The following MRO variants were observed in gnomAD, a reference collection of about 807,000 sequenced individuals.
MRO encodes protein maestro.
MRO carries 28 observed loss-of-function variants against 31.0 expected under a neutral mutation model. The ratio of observed to expected loss-of-function variants is 0.90; its 90% CI spans 0.67 to 1.24. MRO has a LOEUF of 1.24. MRO is among the 50% of genes most tolerant of loss of function. The pLI, the probability that MRO is intolerant of heterozygous loss-of-function variation, is 0.00. For missense variants in MRO, 332 were observed against 289.2 expected, an observed-to-expected ratio of 1.15 and a Z score of -1.07; for synonymous variants, 108 against 108.4, an observed-to-expected ratio of 1.00 and a Z score of 0.02.
chr18:50,819,607 G>A lies in MRO; in HGVS notation c.-31C>T, dbSNP rs562400801. The A allele has an allele frequency of 4.5e-6, 7 of 1,551,622 alleles. No homozygotes were observed. The highest frequency in any genetic ancestry group is 6.1e-6 in the Non-Finnish European group (7 of 1,146,970). ...TGCGGCTCCTGCAGGCGGCTGCCAC[G>A]TGATGAACCGGAGCCCGTTCCTGAC... On this transcript the variant is annotated 5_prime_UTR_variant, in exon 2 of 8. It adds an upstream start codon to the 5' untranslated region. Coordinates refer to ENST00000398439, the MANE Select transcript of MRO (RefSeq NM_031939.6).
chr18:50,798,583 A>ATACT lies in MRO; in HGVS notation c.*750_*753dup, dbSNP rs951856164. On this transcript the variant is annotated 3_prime_UTR_variant, in exon 8 of 8. Coordinates refer to ENST00000398439, the MANE Select transcript of MRO (RefSeq NM_031939.6). ...CATCTATAAAATGAGAACAATAATA[A>ATACT]TACTTACTATCTCAGGGTTGTCGCA... The ATACT allele has an allele frequency of 2.0e-5, 3 of 152,212 alleles. No homozygotes were observed. The highest frequency in any genetic ancestry group is 2.0e-4 in the Admixed American group (3 of 15,290). 9.4% of individuals were successfully genotyped at this position (152,212 alleles called of 1,614,324 possible). A position where few individuals can be genotyped will look rare whatever the true frequency, so the allele number is the denominator to read the frequency against.
Position 50,799,075 on chromosome 18 carries a change from T to A in MRO, c.*262A>T. The A allele has an allele frequency of 2.5e-6, 1 of 393,916 alleles. No individual in the cohort carries two copies. The highest frequency in any genetic ancestry group is 4.1e-5 in the Admixed American group (1 of 24,242). 24.4% of individuals were successfully genotyped at this position (393,916 alleles called of 1,614,324 possible). A position where few individuals can be genotyped will look rare whatever the true frequency, so the allele number is the denominator to read the frequency against. ...GCACTGAATCTATATACACTTGGAA[T>A]GTTTTAAAGAAAGTGTGTACCTGCT... On this transcript the variant is annotated 3_prime_UTR_variant, in exon 8 of 8. Coordinates refer to ENST00000398439, the MANE Select transcript of MRO (RefSeq NM_031939.6).
At chr18:50,809,857 T>C (rs923546034) in intron 2 of MRO, among the ~76,000 whole-genome samples, 2 of 152,188 alleles carry the variant, frequency 1.3e-5, no homozygotes, top group African/African-American at 4.8e-5. Flanking sequence ...AATTCTTTAA[T>C]CCTATAGATA....
intron 3 of MRO, among the ~76,000 whole-genome samples, chr18:50,808,561 C>G (rs1005995983): frequency 6.6e-6 from 1 of 151,186 alleles, no homozygotes; most frequent in Non-Finnish European, 1.5e-5. Flanking sequence ...TGGGCTCAAG[C>G]GATCCTCCCA....
upstream of MRO, among the ~76,000 whole-genome samples, chr18:50,823,276 A>T (rs1361219393): frequency 6.6e-6 from 1 of 152,104 alleles, no homozygotes; most frequent in African/African-American, 2.4e-5. Context: ...ATGTGTTTTA[A>T]TCTAAAAACA....
At chr18:50,802,943 T>C (rs1055391324) in intron 5 of MRO, among the ~76,000 whole-genome samples, 1 of 107,218 alleles carries the variant, frequency 9.3e-6, no homozygotes, top group Non-Finnish European at 1.9e-5. Flanking sequence ...GTGTGTGTGT[T>C]TAACAAATTT....
intron 6 of MRO, among the ~76,000 whole-genome samples, chr18:50,800,834 C>T (rs893307449): frequency 2.0e-5 from 3 of 146,548 alleles, no homozygotes; most frequent in Non-Finnish European, 3.0e-5. Context: ...TGTAGTGAGC[C>T]GAGATCACAC....
At chr18:50,800,187 T>A (rs542845833) in intron 6 of MRO, 44 bp from the exon 7 acceptor site, 5 of 1,390,590 alleles carry the variant, frequency 3.6e-6, no homozygotes, top group African/African-American at 2.9e-5. Context: ...GAGAGTTCCA[T>A]AATCCCAAGC....
At chr18:50,814,288 A>C (rs1914711920) in intron 2 of MRO, 2 of 152,214 alleles carry the variant, frequency 1.3e-5, no homozygotes, top group Non-Finnish European at 2.9e-5. Context: ...TCAAAAAAAA[A>C]AAAACTCAAA....
intron 3 of MRO, among the ~76,000 whole-genome samples, chr18:50,808,864 G>A (rs554147007): frequency 1.3e-5 from 2 of 151,696 alleles, no homozygotes; most frequent in East Asian, 2.0e-4. Flanking sequence ...TCGGCCGGGC[G>A]CGGTGGCTCA....
At chr18:50,814,756 G>T in intron 2 of MRO, 1 of 155,052 alleles carries the variant, frequency 6.4e-6, no homozygotes, top group Non-Finnish European at 1.4e-5. Context: ...AGAGTGACAA[G>T]ATTGAAACCA....
In MRO at chr18:50,795,401, ATC is replaced by A. The variant is rs1457134810; in HGVS notation, c.*3934_*3935del. 1 of 152,224 alleles carries A rather than the reference ATC, an allele frequency of 6.6e-6. No individual in the cohort carries two copies. The highest frequency in any genetic ancestry group is 1.5e-5 in the Non-Finnish European group (1 of 68,040). The allele number at this position is 152,224 out of a possible 1,614,324, so 9.4% of individuals were successfully genotyped here. ...TTAGAAAATGCAGAAATGCACAAATATCTGTCTTCTGTACAACACTAACTGCT... is the reference window on the plus strand; with the variant it reads ...TTAGAAAATGCAGAAATGCACAAATATGTCTTCTGTACAACACTAACTGCT... On this transcript the variant is annotated 3_prime_UTR_variant, in exon 8 of 8. Transcript: ENST00000398439.
intron 5 of MRO, among the ~76,000 whole-genome samples, chr18:50,803,316 G>A (rs1456958735): frequency 6.6e-6 from 1 of 152,004 alleles, no homozygotes; most frequent in Admixed American, 6.6e-5. Flanking sequence ...AGACCAGCCT[G>A]GGCAACATAA....
chr18:50,807,007 C>T (rs1914011490), intron 3 of MRO, among the ~76,000 whole-genome samples, 157 bp from the exon 4 acceptor site: 1 of 152,082 alleles, frequency 6.6e-6, no homozygotes, highest in Non-Finnish European at 1.5e-5. Flanking sequence ...TGGAAATGTA[C>T]TCATTTGGTC....
At chr18:50,811,317 C>T (rs371755519) in intron 2 of MRO, among the ~76,000 whole-genome samples, 1 of 152,132 alleles carries the variant, frequency 6.6e-6, no homozygotes, top group African/African-American at 2.4e-5. Context: ...TTTTTCATCA[C>T]CCCAAAAGAA....
Position 50,819,581 on chromosome 18 carries a change from C to T in MRO, c.-5G>A. On this transcript the variant is annotated splice_region_variant and 5_prime_UTR_variant, in exon 2 of 8. Coordinates refer to ENST00000398439, the MANE Select transcript of MRO (RefSeq NM_031939.6). The stretch of plus-strand genomic sequence containing the variant: ...TGCCCCGGCCAACAGTGTCCCTTAC[C>T]TGCGGCTCCTGCAGGCGGCTGCCAC... The T allele has an allele frequency of 6.4e-7, 1 of 1,551,660 alleles. No individual in the cohort carries two copies. The highest frequency in any genetic ancestry group is 1.4e-5 in the African/African-American group (1 of 73,168).
intron 2 of MRO, chr18:50,815,456 C>A: frequency 7.4e-6 from 2 of 271,150 alleles, no homozygotes; most frequent in South Asian, 8.8e-5. Flanking sequence ...GGGTGGTGAT[C>A]CTGGTCGTAA....
chr18:50,809,928 C>A (rs1914322627), intron 2 of MRO, among the ~76,000 whole-genome samples: 1 of 152,086 alleles, frequency 6.6e-6, no homozygotes, highest in Non-Finnish European at 1.5e-5. Flanking sequence ...CTGTAATAAA[C>A]AATATTGTGT....
At chr18:50,802,423 C>T (rs750383105) in intron 5 of MRO, among the ~76,000 whole-genome samples, 3 of 152,176 alleles carry the variant, frequency 2.0e-5, no homozygotes, top group Non-Finnish European at 4.4e-5. Flanking sequence ...AGGCCCAAGG[C>T]ACTTAAGGAA....
Sources: allele counts gnomAD v4.1 joint callset (sites outside exome capture counted in the v4.1 genomes callset), GRCh38; gene constraint gnomAD v4.1.1; transcripts MANE v1.5; gene names NCBI Gene and HGNC (gene_info 2026-07-23, HGNC 2026-07-21).